Variants in NLGN1 observed in about 807,000 individuals in gnomAD.
The protein encoded by NLGN1 is neuroligin-1.
A neutral mutation model predicts 65.5 loss-of-function variants in NLGN1; 12 were observed. The observed-to-expected ratio is 0.18, with a 90% confidence interval of 0.12 to 0.30. The LOEUF is 0.30. Ranked by LOEUF, NLGN1 falls within the 10% of genes least tolerant of loss-of-function variation. NLGN1 has a pLI of 1.00. For synonymous variants in NLGN1, 350 were observed against 359.5 expected (o/e 0.97, Z 0.30); for missense variants, 750 against 1,007.1 (o/e 0.74, Z 3.46).
rs368630881 is a variant in NLGN1, at chr3:174,095,216, A to G, written c.647-180099A>G. Among the ~76,000 whole-genome samples the G allele has an allele frequency of 4.6e-5, 7 of 151,140 alleles. No homozygotes were observed. In the East Asian group the frequency reaches 1.4e-3, roughly 29 times the overall value. ...ACCTTGTACCTGTGGAAGAAATTTT[A>G]AAAACTAAAAAAAAAAAAAACCATA... On this transcript the variant is annotated intron_variant, in intron 4 of 6. Transcript: ENST00000457714.
chr3:173,919,704 T>G (rs2152257568), intron 4 of NLGN1, among the ~76,000 whole-genome samples: 1 of 152,308 alleles, frequency 6.6e-6, no homozygotes, highest in African/African-American at 2.4e-5. Flanking sequence ...ATTTCTATAT[T>G]ATATTAAATG....
In NLGN1 at chr3:173,669,438, G is replaced by A. The variant is rs115084603; in HGVS notation, c.493+64347G>A. ...GTTCCCGTCTCTCCGCTACCTTCTGGTAGATCCTTAGTTTGTGGCAGCAAA... is the reference window on the plus strand; with the variant it reads ...GTTCCCGTCTCTCCGCTACCTTCTGATAGATCCTTAGTTTGTGGCAGCAAA... On this transcript the variant is annotated intron_variant, in intron 3 of 6. Coordinates refer to ENST00000457714, the Ensembl canonical transcript of NLGN1. Among the ~76,000 whole-genome samples, 898 of 152,200 alleles carry A rather than the reference G, an allele frequency of 5.9e-3. 9 individuals carry two copies. The highest frequency in any genetic ancestry group is 0.021 in the African/African-American group (856 of 41,526).
In NLGN1 at chr3:173,719,773, G is replaced by C. The variant is rs182229279; in HGVS notation, c.494-87907G>C. 2.0e-5 allele frequency among the ~76,000 whole-genome samples: 3 copies of C among 152,284 alleles called. No individual in the cohort carries two copies. In the East Asian group the frequency reaches 5.8e-4, roughly 29 times the overall value. ...ACATATTTTTCTTTCTACAGTCTAG[G>C]ATAGGGTGTTCTCAAACTGGCTGTA... On this transcript the variant is annotated intron_variant, in intron 3 of 6. Transcript: ENST00000457714.
At chr3:173,922,082 T>C (rs1742127329) in intron 4 of NLGN1, among the ~76,000 whole-genome samples, 1 of 152,112 alleles carries the variant, frequency 6.6e-6, no homozygotes, top group Admixed American at 6.6e-5. Context: ...TTTAATCAGT[T>C]TCTAAATAAT....
intron 2 of NLGN1, among the ~76,000 whole-genome samples, chr3:173,475,645 G>C (rs1489035431): frequency 6.6e-6 from 1 of 152,072 alleles, no homozygotes; most frequent in Non-Finnish European, 1.5e-5. Flanking sequence ...ACTGATACAT[G>C]GTGGGAGCTC....
At chr3:173,662,858 T>G (rs1761133533) in intron 3 of NLGN1, among the ~76,000 whole-genome samples, 1 of 151,986 alleles carries the variant, frequency 6.6e-6, no homozygotes, top group African/African-American at 2.4e-5. Flanking sequence ...AAAATTTTCC[T>G]GCCCAAAATG....
intron 2 of NLGN1, among the ~76,000 whole-genome samples, chr3:173,545,352 G>A (rs758906793): frequency 6.6e-6 from 1 of 152,114 alleles, no homozygotes; most frequent in African/African-American, 2.4e-5. Flanking sequence ...GGGATTACAG[G>A]CATGAACCAC....
intron 3 of NLGN1, among the ~76,000 whole-genome samples, chr3:173,617,773 C>A (rs1349236152): frequency 6.6e-6 from 1 of 152,144 alleles, no homozygotes; most frequent in African/African-American, 2.4e-5. Context: ...ATACAGGATG[C>A]CGACAATGCA....
intron 4 of NLGN1, among the ~76,000 whole-genome samples, chr3:174,218,583 T>A (rs1463339669): frequency 6.6e-6 from 1 of 152,020 alleles, no homozygotes; most frequent in Non-Finnish European, 1.5e-5. Flanking sequence ...GTGCAGCAGA[T>A]CCCCTTCAAG....
At chr3:173,950,683 C>T (rs958062731) in intron 4 of NLGN1, among the ~76,000 whole-genome samples, 18 of 151,218 alleles carry the variant, frequency 1.2e-4, no homozygotes, top group African/African-American at 3.9e-4. Flanking sequence ...TGTGGTGGTG[C>T]ACACCTATAA....
intron 2 of NLGN1, among the ~76,000 whole-genome samples, chr3:173,537,494 G>GTGTGTT (rs1463271231): frequency 7.6e-4 from 115 of 151,828 alleles, no homozygotes; most frequent in Middle Eastern, 3.4e-3. Context: ...GTGTGTGTGT[G>GTGTGTT]TGTGTGTGTG....
chr3:173,536,917 C>T (rs1033346042), intron 2 of NLGN1, among the ~76,000 whole-genome samples: 1 of 152,112 alleles, frequency 6.6e-6, no homozygotes, highest in East Asian at 1.9e-4. Context: ...GCCTGAGAAA[C>T]GAGAGCCAAT....
At chr3:174,055,150 C>CTTTTTT (rs113474137) in intron 4 of NLGN1, among the ~76,000 whole-genome samples, 7 of 117,598 alleles carry the variant, frequency 6.0e-5, no homozygotes, top group Non-Finnish European at 5.5e-5. Context: ...AAGGAGCTTG[C>CTTTTTT]TTTTTTTTTT....
chr3:173,417,274 CAT>C (rs1321110137), intron 1 of NLGN1, among the ~76,000 whole-genome samples: 2 of 151,840 alleles, frequency 1.3e-5, no homozygotes, highest in African/African-American at 2.4e-5. Context: ...ATGAATTAAA[CAT>C]AAATTTTCTG....
At chr3:174,109,475 C>T (rs1714711879) in intron 4 of NLGN1, among the ~76,000 whole-genome samples, 1 of 151,996 alleles carries the variant, frequency 6.6e-6, no homozygotes, top group South Asian at 2.1e-4. Flanking sequence ...ACTCCCTCCT[C>T]ATGTTTGACC....
At chr3:174,227,437 C>A (rs1249723728) in intron 4 of NLGN1, among the ~76,000 whole-genome samples, 2 of 152,008 alleles carry the variant, frequency 1.3e-5, no homozygotes, top group African/African-American at 4.8e-5. Flanking sequence ...AAAGTTACAG[C>A]AGGATTCAAA....
At chr3:174,215,858 T>A (rs1737492377) in intron 4 of NLGN1, among the ~76,000 whole-genome samples, 1 of 152,170 alleles carries the variant, frequency 6.6e-6, no homozygotes, top group Non-Finnish European at 1.5e-5. Context: ...GGTGATTTTA[T>A]CTTTTCTACT....
intron 3 of NLGN1, among the ~76,000 whole-genome samples, chr3:173,728,400 T>A (rs1772192791): frequency 6.6e-6 from 1 of 152,044 alleles, no homozygotes; most frequent in African/African-American, 2.4e-5. Context: ...GGACAATATA[T>A]AACAGAGGTG....
At chr3:173,764,520 C>T (rs539455333) in intron 3 of NLGN1, among the ~76,000 whole-genome samples, 4 of 152,064 alleles carry the variant, frequency 2.6e-5, no homozygotes, top group Non-Finnish European at 5.9e-5. Context: ...TCCTGTGTTC[C>T]GAAGGAGTTA....
Sources: gnomAD v4.1 joint callset for allele counts (sites outside exome capture counted in the v4.1 genomes callset) on GRCh38, gnomAD v4.1.1 for gene constraint, MANE v1.5 for transcripts, NCBI Gene and HGNC (gene_info 2026-07-23, HGNC 2026-07-21) for gene names.